The following LRBA variants were observed in gnomAD, a reference collection of about 807,000 sequenced individuals.
The protein encoded by LRBA is LPS responsive beige-like anchor protein.
In LRBA, 176 loss-of-function variants were observed where a neutral mutation model predicts 330.0. That is an observed-to-expected ratio of 0.53 (90% CI 0.47 to 0.60). The LOEUF (loss-of-function observed/expected upper bound fraction) is 0.60, where lower values mean the gene tolerates loss of function less well. Among genes scored for constraint, LRBA ranks in the 20% least tolerant of loss-of-function variants. LRBA has a pLI of 0.00. For missense variants in LRBA, 3,259 were observed against 3,444.8 expected (o/e 0.95, Z 1.35); for synonymous variants, 1,230 against 1,193.0 (o/e 1.03, Z -0.64).
At chr4:150,740,076 T>C (rs1358718517) in intron 35 of LRBA, among the ~76,000 whole-genome samples, 1 of 152,050 alleles carries the variant, frequency 6.6e-6, no homozygotes, top group Non-Finnish European at 1.5e-5. Flanking sequence ...GTCTAAAAAT[T>C]AAAGAATGCA....
At chr4:150,915,803 G>A in intron 7 of LRBA, 76 bp from the exon 8 acceptor site, 1 of 1,108,670 alleles carries the variant, frequency 9.0e-7, no homozygotes, top group Non-Finnish European at 1.2e-6. Flanking sequence ...ATGAGTAAAA[G>A]TTAAATGATA....
chr4:150,341,616 G>A (rs35750119), intron 48 of LRBA, among the ~76,000 whole-genome samples: 31,507 of 151,810 alleles, frequency 0.21, 3,991 homozygotes, highest in Non-Finnish European at 0.29. Flanking sequence ...AATTTCTTAA[G>A]GATTATGTTC....
chr4:150,495,736 A>T (rs1035164784), intron 40 of LRBA, among the ~76,000 whole-genome samples: 1 of 152,078 alleles, frequency 6.6e-6, no homozygotes, highest in Non-Finnish European at 1.5e-5. Context: ...GTAGAAACAG[A>T]CCCTTCTTTG....
Position 150,867,782 on chromosome 4 carries a change from C to T in LRBA, c.2655G>A (p.Lys885=). Reference sequence around the variant, plus strand: ...ATATGGCGTATACCATTTCTGTTATCTTTTGCTCATCTGAATTCTTAGGAT... The same window carrying T: ...ATATGGCGTATACCATTTCTGTTATTTTTTGCTCATCTGAATTCTTAGGAT... The part of the protein sequence containing the change: ...YFNPKNSDEQ[K]ITEMVYAIFR... The change falls in exon 22 of 57, where the codon AAG becomes AAA. Residue 885 remains lysine, a synonymous_variant. Coordinates refer to ENST00000651943, the MANE Select transcript of LRBA (RefSeq NM_001364905.1). The T allele has an allele frequency of 6.2e-7, 1 of 1,613,742 alleles. No homozygotes were observed. The highest frequency in any genetic ancestry group is 8.5e-7 in the Non-Finnish European group (1 of 1,179,788).
At chr4:150,470,848 C>T (rs1756020860) in intron 43 of LRBA, among the ~76,000 whole-genome samples, 1 of 109,592 alleles carries the variant, frequency 9.1e-6, no homozygotes, top group Admixed American at 9.9e-5. Flanking sequence ...ACTACACACA[C>T]ACACACACAC....
chr4:150,299,640 T>C (rs1174023420), intron 53 of LRBA, among the ~76,000 whole-genome samples: 1 of 151,938 alleles, frequency 6.6e-6, no homozygotes, highest in African/African-American at 2.4e-5. Flanking sequence ...ATAACATCAA[T>C]ATTAGATATG....
chr4:150,875,639 G>A (rs1753935868), intron 17 of LRBA, among the ~76,000 whole-genome samples: 1 of 152,084 alleles, frequency 6.6e-6, no homozygotes, highest in African/African-American at 2.4e-5. Flanking sequence ...AAAGCCAAAA[G>A]GCCCTACCCA....
intron 22 of LRBA, among the ~76,000 whole-genome samples, chr4:150,862,002 A>G (rs1408858051): frequency 6.6e-6 from 1 of 152,082 alleles, no homozygotes; most frequent in Non-Finnish European, 1.5e-5. Flanking sequence ...AAAAGTTAGA[A>G]TGGTGATCAT....
chr4:150,452,883 T>C (rs1753562466), intron 44 of LRBA, among the ~76,000 whole-genome samples: 1 of 152,136 alleles, frequency 6.6e-6, no homozygotes, highest in South Asian at 2.1e-4. Context: ...GAATACAAGG[T>C]CAATTTACAA....
intron 37 of LRBA, among the ~76,000 whole-genome samples, chr4:150,653,723 G>A (rs895525187): frequency 1.3e-5 from 2 of 152,210 alleles, no homozygotes; most frequent in East Asian, 1.9e-4. Flanking sequence ...AGGGGTTTTC[G>A]CTTCTCGATT....
intron 2 of LRBA, among the ~76,000 whole-genome samples, chr4:150,953,971 G>A (rs1367827700): frequency 2.1e-5 from 3 of 141,322 alleles, no homozygotes; most frequent in Non-Finnish European, 3.1e-5. Flanking sequence ...CCTCTGCCCC[G>A]CCACCCCGTC....
At chr4:150,567,447 CAG>C (rs1769281828) in intron 40 of LRBA, among the ~76,000 whole-genome samples, 1 of 152,022 alleles carries the variant, frequency 6.6e-6, no homozygotes, top group South Asian at 2.1e-4. Context: ...CAACTGCAGA[CAG>C]GGCATTAAAA....
In LRBA at chr4:150,852,631, C is replaced by T; in HGVS notation, c.3079G>A (p.Glu1027Lys). Residue 1027 changes from glutamate to lysine, a missense_variant, in exon 23 of 57, where the codon GAG (glutamate) becomes AAG (lysine). Transcript: ENST00000651943. ...TCCAAAGTGCCTTCATCTGGTAACT[C>T]CTGATTTTCTTGCTCAGCTTTCATT... is the stretch of plus-strand genomic sequence containing the variant. ...EEMKAEQENQ[E>K]LPDEGTLEET... 1 of 1,614,044 alleles carries T rather than the reference C, an allele frequency of 6.2e-7. No individual in the cohort carries two copies. Among genetic ancestry groups the T allele is most frequent in the Non-Finnish European group, 8.5e-7 (1 of 1,179,962 alleles).
At chr4:150,638,451 T>C (rs1198575742) in intron 37 of LRBA, among the ~76,000 whole-genome samples, 1 of 152,234 alleles carries the variant, frequency 6.6e-6, no homozygotes, top group Non-Finnish European at 1.5e-5. Flanking sequence ...TTCTCACCTA[T>C]ATTTATGAGG....
At chr4:150,585,909 C>T (rs1053030971) in intron 40 of LRBA, among the ~76,000 whole-genome samples, 1 of 152,258 alleles carries the variant, frequency 6.6e-6, no homozygotes, top group East Asian at 1.9e-4. Flanking sequence ...GCCTAGTTCA[C>T]TTGACAAACA....
chr4:150,513,787 A>G (rs1161251043), intron 40 of LRBA, among the ~76,000 whole-genome samples: 1 of 152,076 alleles, frequency 6.6e-6, no homozygotes, highest in East Asian at 1.9e-4. Flanking sequence ...TTTACTCTTC[A>G]TTACCTCCTA....
chr4:150,523,956 C>G lies in LRBA; in HGVS notation c.6331-32921G>C, dbSNP rs145792318. ...TTTCCTGCTTCTTTGCATGTCTAGT[C>G]ATTTTGTGTGTTAGACATTATGGAC... On this transcript the variant is annotated intron_variant, in intron 40 of 56. Coordinates refer to ENST00000651943, the MANE Select transcript of LRBA (RefSeq NM_001364905.1). Among the ~76,000 whole-genome samples, 182 of 152,172 alleles carry G rather than the reference C, an allele frequency of 1.2e-3. 4 individuals carry two copies. The highest frequency in any genetic ancestry group is 4.3e-3 in the African/African-American group (178 of 41,518).
intron 2 of LRBA, among the ~76,000 whole-genome samples, chr4:150,938,781 C>A (rs181140647): frequency 6.6e-6 from 1 of 152,110 alleles, no homozygotes; most frequent in Non-Finnish European, 1.5e-5. Flanking sequence ...GCCACACTAG[C>A]CCGCTACCCA....
chr4:150,552,797 T>C (rs962675529), intron 40 of LRBA, among the ~76,000 whole-genome samples: 1 of 152,040 alleles, frequency 6.6e-6, no homozygotes, highest in Admixed American at 6.5e-5. Flanking sequence ...CAGCTGGGCA[T>C]GGTGGCTCAA....
Sources: gnomAD v4.1 joint callset for allele counts (sites outside exome capture counted in the v4.1 genomes callset) on GRCh38, gnomAD v4.1.1 for gene constraint, MANE v1.5 for transcripts, NCBI Gene and HGNC (gene_info 2026-07-23, HGNC 2026-07-21) for gene names.